PCNT: variants seen among roughly 807,000 people sequenced by gnomAD.
PCNT encodes the protein kendrin.
A neutral mutation model predicts 380.4 loss-of-function variants in PCNT; 319 were observed. That is an observed-to-expected ratio of 0.84 (90% CI 0.77 to 0.92). PCNT has a LOEUF of 0.92. PCNT is among the 40% of genes least tolerant of loss of function. The pLI is 0.00. For synonymous variants in PCNT, 1,845 were observed against 1,735.2 expected, an observed-to-expected ratio of 1.06 and a Z score of -1.57; for missense variants, 4,400 against 4,255.3, an observed-to-expected ratio of 1.03 and a Z score of -0.95.
In PCNT at chr21:46,427,709, G is replaced by T; in HGVS notation, c.7408G>T (p.Val2470Phe). ...TGAAAAAGAGCAGGAGATGCAGGGG[G>T]TTGAGCTGCAGCCCCGACTCAGTGG... The part of the protein sequence containing the change: ...AFEKEQEMQG[V>F]ELQPRLSGSD... Residue 2470 changes from valine (V) to phenylalanine (F), a missense_variant, in exon 34 of 47, where the codon GTT becomes TTT. Transcript: ENST00000359568. 1 of 1,613,824 alleles carries T rather than the reference G, an allele frequency of 6.2e-7. No individual in the cohort carries two copies. The highest frequency in any genetic ancestry group is 8.5e-7 in the Non-Finnish European group (1 of 1,179,994).
chr21:46,344,446 A>C (rs2084002285), intron 3 of PCNT, among the ~76,000 whole-genome samples: 1 of 152,222 alleles, frequency 6.6e-6, no homozygotes, highest in African/African-American at 2.4e-5. Context: ...GTCCCCGCAC[A>C]GGCAGCCCTT....
intron 2 of PCNT, among the ~76,000 whole-genome samples, chr21:46,332,794 G>A (rs1193466202): frequency 5.9e-5 from 9 of 152,222 alleles, no homozygotes; most frequent in Non-Finnish European, 1.0e-4. Context: ...AAATTGAAAT[G>A]TTCTTAGTGA....
chr21:46,406,187 T>C (rs918570667), intron 27 of PCNT, among the ~76,000 whole-genome samples: 7 of 152,212 alleles, frequency 4.6e-5, no homozygotes, highest in East Asian at 1.9e-4. Flanking sequence ...TGTTGTCACT[T>C]GTTCTGTACT....
rs1032207892 is a variant in PCNT, at chr21:46,349,246, A to G, written c.1207+60A>G. The G allele has an allele frequency of 4.4e-6, 6 of 1,350,822 alleles. No homozygotes were observed. In the South Asian group the frequency reaches 5.9e-5, roughly 13 times the overall value. The allele number at this position is 1,350,822 out of a possible 1,614,324, so 83.7% of individuals were successfully genotyped here. On this transcript the variant is annotated intron_variant, in intron 7 of 46. Transcript: ENST00000359568. ...CTGAATTTTCCTAGGTAGTACTGGA[A>G]GGAATGTCGTTCATGTCACCATGCG... is the stretch of plus-strand genomic sequence containing the variant.
rs921988273 is a variant in PCNT, at chr21:46,355,558, G to A, written c.1868G>A (p.Arg623Lys). 6 of 1,614,052 alleles carry A rather than the reference G, an allele frequency of 3.7e-6. No individual in the cohort carries two copies. The African/African-American group carries it at 8.0e-5, about 22-fold the overall frequency. Residue 623 changes from arginine (R) to lysine (K), a missense_variant, in exon 12 of 47, where the codon AGA (arginine) becomes AAA (lysine). Transcript: ENST00000359568. ...CAGCACGAGGGGCATGTCTCAGACA[G>A]ATGCTGCGTAGAGACTTCAGCATTG... ...CIQHEGHVSD[R>K]CCVETSALGH...
At chr21:46,426,344 T>C (rs537495731) in intron 33 of PCNT, among the ~76,000 whole-genome samples, 1 of 152,250 alleles carries the variant, frequency 6.6e-6, no homozygotes, top group African/African-American at 2.4e-5. Context: ...GGATTTTTTT[T>C]AGCACGGCCA....
chr21:46,355,406 G>C (rs2084435702), intron 11 of PCNT, 46 bp from the exon 12 acceptor site: 1 of 1,594,016 alleles, frequency 6.3e-7, no homozygotes, highest in Non-Finnish European at 8.6e-7. Context: ...TGCGAGCGAG[G>C]TAGCTTGGCT....
chr21:46,394,196 C>T (rs930134821), intron 21 of PCNT, among the ~76,000 whole-genome samples: 4 of 152,242 alleles, frequency 2.6e-5, no homozygotes, highest in South Asian at 2.1e-4. Flanking sequence ...GGCGTGAACC[C>T]GGCCCTGGTG....
At chr21:46,408,546 G>A (rs1186033626) in intron 27 of PCNT, among the ~76,000 whole-genome samples, 3 of 152,074 alleles carry the variant, frequency 2.0e-5, no homozygotes, top group African/African-American at 7.2e-5. Flanking sequence ...GGGTAACCAC[G>A]TTCTCATCAA....
chr21:46,398,304 TC>T (rs779484155), intron 24 of PCNT, 49 bp downstream of exon 24: 100 of 1,555,100 alleles, frequency 6.4e-5, no homozygotes, highest in Non-Finnish European at 8.3e-5. Flanking sequence ...GCGCCCAGGC[TC>T]CCCTGCGCTC....
At chr21:46,354,095 G>A (rs1175822829) in intron 11 of PCNT, 27 bp downstream of exon 11, 3 of 1,594,370 alleles carry the variant, frequency 1.9e-6, no homozygotes, top group Admixed American at 1.7e-5. Context: ...TGAGAAGTGG[G>A]GGAGTCCTGT....
At chr21:46,403,018 TTATAG>T (rs1426550575) in intron 27 of PCNT, among the ~76,000 whole-genome samples, 1 of 152,242 alleles carries the variant, frequency 6.6e-6, no homozygotes, top group Non-Finnish European at 1.5e-5. Flanking sequence ...ACCAACCTGT[TTATAG>T]TAGAGATGAT....
At chr21:46,344,073 T>C (rs2083989459) in intron 3 of PCNT, among the ~76,000 whole-genome samples, 1 of 151,522 alleles carries the variant, frequency 6.6e-6, no homozygotes, top group Non-Finnish European at 1.5e-5. Context: ...TCTTTTCTTT[T>C]TTTTTTTTTG....
chr21:46,349,701 G>C lies in PCNT; in HGVS notation c.1225G>C (p.Glu409Gln). Residue 409 changes from glutamate to glutamine, a missense_variant, in exon 8 of 47, where the codon GAG becomes CAG. Coordinates refer to ENST00000359568, the MANE Select transcript of PCNT (RefSeq NM_006031.6). ...NQAERALRNL[E>Q]SHHQAAIEKL... is the part of the protein sequence containing the mutation. ...CTTTCTAGGGGCCCTTAGGAACCTGGAGAGTCATCATCAAGCAGCCATTGA... is the reference window on the plus strand; with the variant it reads ...CTTTCTAGGGGCCCTTAGGAACCTGCAGAGTCATCATCAAGCAGCCATTGA... 1.2e-6 allele frequency: 2 copies of C among 1,614,082 alleles called. No individual in the cohort carries two copies. The highest frequency in any genetic ancestry group is 1.7e-6 in the Non-Finnish European group (2 of 1,179,944).
At position 46,363,649 on chromosome 21, in the gene PCNT, G is replaced by A. The variant is rs2084795910; in HGVS notation, c.2324G>A (p.Arg775Lys). Reference protein sequence around the residue: ...EKLTLMLLELREKAESEKQTI... With the variant: ...EKLTLMLLELKEKAESEKQTI... ...TTAACATTGATGCTACTTGAACTGAGAGAAAAGGCTGAATCCGAGAAACAG... is the reference window on the plus strand; with the variant it reads ...TTAACATTGATGCTACTTGAACTGAAAGAAAAGGCTGAATCCGAGAAACAG... Residue 775 changes from arginine to lysine, a missense_variant, in exon 14 of 47, where the codon AGA (arginine) becomes AAA (lysine). By Grantham distance (26) the Arg-to-Lys change is conservative (BLOSUM62 2). Transcript: ENST00000359568. 1 of 1,614,238 alleles carries A rather than the reference G, an allele frequency of 6.2e-7. No homozygotes were observed. Among genetic ancestry groups the A allele is most frequent in the East Asian group, 2.2e-5 (1 of 44,892 alleles).
At chr21:46,386,044 G>T in intron 17 of PCNT, 61 bp downstream of exon 17, 2 of 1,601,714 alleles carry the variant, frequency 1.2e-6, no homozygotes, top group Admixed American at 1.7e-5. Context: ...GGGTCATGCA[G>T]ATGCCATTGG....
chr21:46,393,276 T>C (rs1205829478), intron 21 of PCNT, among the ~76,000 whole-genome samples: 1 of 152,218 alleles, frequency 6.6e-6, no homozygotes, highest in Admixed American at 6.5e-5. Flanking sequence ...TCCTGTTTCT[T>C]TTCCTTTGAC....
intron 15 of PCNT, among the ~76,000 whole-genome samples, chr21:46,369,083 G>A (rs2085029067): frequency 6.6e-6 from 1 of 152,232 alleles, no homozygotes; most frequent in Non-Finnish European, 1.5e-5. Flanking sequence ...TGTGTGGTCT[G>A]AGCATGTGAT....
intron 32 of PCNT, among the ~76,000 whole-genome samples, chr21:46,423,289 CA>C (rs1275010246): frequency 1.3e-5 from 2 of 151,394 alleles, no homozygotes; most frequent in East Asian, 3.9e-4. Flanking sequence ...CTCCTGGGCT[CA>C]AACGATCCTC....
Sources: allele counts gnomAD v4.1 joint callset (sites outside exome capture counted in the v4.1 genomes callset), GRCh38; gene constraint gnomAD v4.1.1; transcripts MANE v1.5; gene names NCBI Gene and HGNC (gene_info 2026-07-23, HGNC 2026-07-21).